Variants in SYNE1 observed in about 807,000 individuals in gnomAD.
SYNE1 encodes nesprin-1.
A neutral mutation model predicts 1,111.0 loss-of-function variants in SYNE1; 616 were observed. That is an observed-to-expected ratio of 0.55 (90% confidence interval 0.52 to 0.59). The LOEUF (loss-of-function observed/expected upper bound fraction) is 0.59. Among genes scored for constraint, SYNE1 ranks in the 20% least tolerant of loss-of-function variants. SYNE1 has a pLI of 0.00. For synonymous variants in SYNE1, 3,855 were observed against 3,825.8 expected, an observed-to-expected ratio of 1.01 and a Z score of -0.28; for missense variants, 10,006 against 10,417.0, an observed-to-expected ratio of 0.96 and a Z score of 1.72.
chr6:152,466,363 G>A (rs977733121), intron 16 of SYNE1, among the ~76,000 whole-genome samples: 15 of 152,156 alleles, frequency 9.9e-5, no homozygotes, highest in African/African-American at 3.6e-4. Flanking sequence ...TTTCTCCAGA[G>A]AACTTGGGTC....
chr6:152,156,241 T>G (rs1349723194), intron 131 of SYNE1, 144 bp from the exon 132 acceptor site: 4 of 978,754 alleles, frequency 4.1e-6, no homozygotes, highest in Non-Finnish European at 4.7e-6. Flanking sequence ...TTGAGCCTCA[T>G]TTATGAAATC....
intron 36 of SYNE1, among the ~76,000 whole-genome samples, chr6:152,428,597 T>C (rs2098397075): frequency 6.6e-6 from 1 of 152,192 alleles, no homozygotes; most frequent in Admixed American, 6.5e-5. Context: ...GTTACAATAA[T>C]CTATCCTATA....
At position 152,418,350 on chromosome 6, in the gene SYNE1, T is replaced by A. The variant is rs780024698; in HGVS notation, c.5421+1219A>T. ...TTTGGATGGTAGAGCCTAAATTCAC[T>A]GAGCACCTTCCCCCAAGATGTAAAA... On this transcript the variant is annotated intron_variant, in intron 40 of 145. Transcript: ENST00000367255. Among the ~76,000 whole-genome samples the A allele has an allele frequency of 6.0e-4, 91 of 152,216 alleles. 1 individual carries two copies. Among genetic ancestry groups the A allele is most frequent in the Non-Finnish European group, 1.2e-3 (80 of 68,046 alleles).
chr6:152,395,601 A>G lies in SYNE1; in HGVS notation c.7627T>C (p.Leu2543=). The part of the protein sequence containing the change: ...EMEERFNTEN[L]GESKQHIPEK... Reference sequence around the variant, plus strand: ...GGAATGTGCTGTTTACTCTCTCCCAAGTTTTCCGTATTGAACCTTTCTTCC... The same window carrying G: ...GGAATGTGCTGTTTACTCTCTCCCAGGTTTTCCGTATTGAACCTTTCTTCC... The change falls in exon 51 of 146, where the codon TTG becomes CTG. Residue 2543 remains leucine (L), a synonymous_variant. Coordinates refer to ENST00000367255, the MANE Select transcript of SYNE1 (RefSeq NM_182961.4). 1 of 1,614,184 alleles carries G rather than the reference A, an allele frequency of 6.2e-7. No individual in the cohort carries two copies. Among genetic ancestry groups the G allele is most frequent in the Non-Finnish European group, 8.5e-7 (1 of 1,180,006 alleles).
intron 20 of SYNE1, 132 bp downstream of exon 20, chr6:152,462,606 T>C (rs2098740994): frequency 7.1e-6 from 7 of 989,332 alleles, no homozygotes; most frequent in South Asian, 7.0e-5. Flanking sequence ...CAGGTGCAAA[T>C]TGGGACATAC....
chr6:152,369,024 T>C lies in SYNE1; in HGVS notation c.9755A>G (p.His3252Arg), dbSNP rs1393231277. The C allele has an allele frequency of 9.3e-6, 15 of 1,614,206 alleles. No individual in the cohort carries two copies. In the Middle Eastern group the frequency reaches 1.6e-3, roughly 178 times the overall value. Residue 3252 changes from histidine to arginine, a missense_variant, in exon 61 of 146, where the codon CAC (histidine) becomes CGC (arginine). His to Arg is a conservative substitution (Grantham distance 29, BLOSUM62 0). Transcript: ENST00000367255. ...CTGAGAAGACAGCTGCGACACTCTG[T>C]GCCTAAAGCTCTTGCTGGCAGCTTG... ...EGQAASKSFRHRVSQLSSQYL... is the reference protein window; with the variant it reads ...EGQAASKSFRRRVSQLSSQYL...
intron 59 of SYNE1, among the ~76,000 whole-genome samples, chr6:152,371,233 G>A (rs1437077257): frequency 1.3e-5 from 2 of 152,000 alleles, no homozygotes; most frequent in East Asian, 3.9e-4. Flanking sequence ...GACCCAATGG[G>A]AGGTAATTGA....
At chr6:152,192,214 T>C (rs1465663008) in intron 127 of SYNE1, among the ~76,000 whole-genome samples, 1 of 152,196 alleles carries the variant, frequency 6.6e-6, no homozygotes. Flanking sequence ...GAAGAATGTG[T>C]ATTTTGTAGC....
intron 39 of SYNE1, 100 bp from the exon 40 acceptor site, chr6:152,419,822 G>A (rs568589086): frequency 8.1e-7 from 1 of 1,235,326 alleles, no homozygotes; most frequent in East Asian, 2.5e-5. Flanking sequence ...CAAAAGCAAT[G>A]TTGTCACACA....
intron 128 of SYNE1, among the ~76,000 whole-genome samples, chr6:152,180,509 AAGG>A (rs1234665489): frequency 6.6e-6 from 1 of 152,166 alleles, no homozygotes; most frequent in Non-Finnish European, 1.5e-5. Flanking sequence ...TAGCTTATTA[AAGG>A]TTCTGGATAA....
At position 152,339,268 on chromosome 6, in the gene SYNE1, T is replaced by C; in HGVS notation, c.12324A>G (p.Ala4108=). The C allele has an allele frequency of 6.2e-7, 1 of 1,614,032 alleles. No homozygotes were observed. Among genetic ancestry groups the C allele is most frequent in the Non-Finnish European group, 8.5e-7 (1 of 1,179,882 alleles). The stretch of plus-strand genomic sequence containing the variant: ...TTTGCTCTGTTTGTTGAATGTCTTT[T>C]GCTGTGGTTTTCACCGAAGCATTTG... ...DLSNASVKTT[A]KDIQQTEQTI... The change falls in exon 75 of 146, where the codon GCA becomes GCG. Residue 4108 remains alanine (A), a synonymous_variant. Coordinates refer to ENST00000367255, the MANE Select transcript of SYNE1 (RefSeq NM_182961.4).
rs756856226 is a variant in SYNE1 at position 152,354,878 on chromosome 6, G to A, written c.10707C>T (p.Asp3569=). 9 of 1,614,006 alleles carry A rather than the reference G, an allele frequency of 5.6e-6. No individual in the cohort carries two copies. The African/African-American group carries it at 9.3e-5, about 17-fold the overall frequency. ...CTTGCCGGAGAGACTCTAAAGCCCG[G>A]TCCTCTGCCTGTGGGATACCTGATG... ...VIPSGIPQAE[D]RALESLRQDW... Residue 3569 remains aspartate (D), a synonymous_variant, in exon 67 of 146, where the codon GAC becomes GAT. Coordinates refer to ENST00000367255, the MANE Select transcript of SYNE1 (RefSeq NM_182961.4).
chr6:152,606,338 T>C lies in SYNE1; in HGVS notation c.67+21927A>G, dbSNP rs569811409. On this transcript the variant is annotated intron_variant, in intron 3 of 145. Transcript: ENST00000367255. ...AGGACCTAAACCAGCTTCCAAAGAGTCCACTGCCCCCTGTCCAGAGCAACT... is the reference window on the plus strand; with the variant it reads ...AGGACCTAAACCAGCTTCCAAAGAGCCCACTGCCCCCTGTCCAGAGCAACT... Among the ~76,000 whole-genome samples, 4 of 152,060 alleles carry C rather than the reference T, an allele frequency of 2.6e-5. No individual in the cohort carries two copies. The East Asian group carries it at 5.8e-4, about 22-fold the overall frequency.
intron 25 of SYNE1, among the ~76,000 whole-genome samples, chr6:152,451,468 ATTTTTTT>A (rs145882121): frequency 1.4e-4 from 7 of 49,826 alleles, no homozygotes; most frequent in East Asian, 6.6e-4. Flanking sequence ...CCTGCACCGT[ATTTTTTT>A]TTTTTTTTTT....
At position 152,155,096 on chromosome 6, in the gene SYNE1, C is replaced by T. The variant is rs955195230; in HGVS notation, c.23979-54G>A. On this transcript the variant is annotated intron_variant, in intron 132 of 145. Transcript: ENST00000367255. ...AGATTATTGGAGACTGTTTTCGCTC[C>T]AGAACCCGGTCTGCTGCCTGCGACT... The T allele has an allele frequency of 9.9e-6, 16 of 1,609,542 alleles. No homozygotes were observed. In the African/African-American group the frequency reaches 1.9e-4, roughly 19 times the overall value.
chr6:152,462,712 T>C, intron 20 of SYNE1, 26 bp downstream of exon 20: 3 of 1,613,854 alleles, frequency 1.9e-6, no homozygotes, highest in Non-Finnish European at 2.5e-6. Context: ...GAGTAGGCTT[T>C]TCATTTTGAT....
chr6:152,515,259 A>G (rs936875249), intron 6 of SYNE1, among the ~76,000 whole-genome samples: 3 of 152,006 alleles, frequency 2.0e-5, no homozygotes, highest in Non-Finnish European at 4.4e-5. Flanking sequence ...AAAGTAAAAA[A>G]TTTGAATTAT....
chr6:152,364,742 G>A (rs2097031378), intron 63 of SYNE1, 105 bp downstream of exon 63: 1 of 1,042,100 alleles, frequency 9.6e-7, no homozygotes, highest in Non-Finnish European at 1.4e-6. Flanking sequence ...GGAAGGAAAG[G>A]AAAGGGAAGG....
chr6:152,379,466 C>CT (rs1306784738), intron 56 of SYNE1, among the ~76,000 whole-genome samples: 1 of 151,966 alleles, frequency 6.6e-6, no homozygotes. Flanking sequence ...AAAATAAATA[C>CT]TTTAATTCTT....
Sources: allele counts gnomAD v4.1 joint callset (sites outside exome capture counted in the v4.1 genomes callset), GRCh38; gene constraint gnomAD v4.1.1; transcripts MANE v1.5; gene names NCBI Gene and HGNC (gene_info 2026-07-23, HGNC 2026-07-21).